F8: variants seen among roughly 807,000 people sequenced by gnomAD.
F8 encodes antihemophilic factor.
A neutral mutation model predicts 140.6 loss-of-function variants in F8; 12 were observed. The ratio of observed to expected loss-of-function variants is 0.09; its 90% CI spans 0.05 to 0.14. The LOEUF (loss-of-function observed/expected upper bound fraction) is 0.14, where lower values mean the gene tolerates loss of function less well. Among genes scored for constraint, F8 ranks in the 10% least tolerant of loss-of-function variants. The pLI is 1.00. For synonymous variants in F8, 585 were observed against 614.6 expected (o/e 0.95, Z 0.71); for missense variants, 1,354 against 1,720.7 (o/e 0.79, Z 3.77).
chrX:154,965,855 G>T, intron 9 of F8, 115 bp downstream of exon 9: 1 of 699,496 alleles, frequency 1.4e-6, no homozygotes. Flanking sequence ...AACATTTATA[G>T]CTTTTAAAAG....
At chrX:154,896,930 C>T (rs1003168628) in intron 21 of F8, among the ~76,000 whole-genome samples, 10 of 112,135 alleles carry the variant, frequency 8.9e-5, no homozygotes, top group Non-Finnish European at 1.3e-4. Context: ...TGTGTCTCAA[C>T]TTATCTGTAA....
chrX:154,872,281 G>T (rs78940811), intron 22 of F8, among the ~76,000 whole-genome samples: 3 of 111,641 alleles, frequency 2.7e-5, no homozygotes, highest in African/African-American at 9.8e-5. Context: ...TCACAATAGC[G>T]AAGACTTGGA....
At chrX:154,899,535 T>G (rs1391078461) in intron 21 of F8, among the ~76,000 whole-genome samples, 1 of 112,287 alleles carries the variant, frequency 8.9e-6, no homozygotes, top group African/African-American at 3.2e-5. Flanking sequence ...TATGTTAAAA[T>G]AAAGGGGATT....
In F8 at chrX:154,903,962, A is replaced by C; in HGVS notation, c.5942T>G (p.Val1981Gly). The C allele has an allele frequency of 8.3e-7, 1 of 1,210,503 alleles. No individual in the cohort carries two copies. The highest frequency in any genetic ancestry group is 1.1e-6 in the Non-Finnish European group (1 of 894,464). Residue 1981 changes from valine (V) to glycine (G), a missense_variant, in exon 18 of 26, where the codon GTG becomes GGG. Val to Gly is a moderately radical substitution (Grantham distance 109). Around this residue, in one of 4 missense-constraint regions of F8, gnomAD observed 316 missense variants for 485.4 expected, o/e 0.65. Transcript: ENST00000360256. ...CTCCTCTTTTTTTCGTACAGTGAAC[A>C]CATGTCCACTGAAATGAATAGAATG... ...NIHSIHFSGH[V>G]FTVRKKEEYK...
intron 14 of F8, among the ~76,000 whole-genome samples, chrX:154,921,864 C>T (rs1557277597): frequency 1.9e-5 from 2 of 104,747 alleles, no homozygotes; most frequent in Non-Finnish European, 3.9e-5. Context: ...GAACATCACA[C>T]ACCGGGGCCT....
chrX:154,955,264 C>T lies in F8; in HGVS notation c.1753-1222G>A, dbSNP rs1213522727. ...CTCCTGGGCTCAAGCTATCTTCCCA[C>T]CTCAGCCTCCTGAGTAGGTGGGACT... On this transcript the variant is annotated intron_variant, in intron 11 of 25. Coordinates refer to ENST00000360256, the MANE Select transcript of F8 (RefSeq NM_000132.4). 2.0e-3 allele frequency among the ~76,000 whole-genome samples: 189 copies of T among 95,519 alleles called. 2 individuals carry two copies. The highest frequency in any genetic ancestry group is 3.3e-3 in the Non-Finnish European group (159 of 48,340). 82.9% of individuals were successfully genotyped at this position (95,519 alleles called of 115,157 possible). A position where few individuals can be genotyped will look rare whatever the true frequency, so the allele number is the denominator to read the frequency against.
intron 6 of F8, among the ~76,000 whole-genome samples, chrX:154,983,522 T>C (rs1474479844): frequency 9.0e-6 from 1 of 111,059 alleles, no homozygotes; most frequent in Non-Finnish European, 1.9e-5. Context: ...TTGGGACAAA[T>C]GTAAACAAAC....
chrX:154,847,030 C>G (rs1557271799), intron 25 of F8, among the ~76,000 whole-genome samples: 1 of 111,163 alleles, frequency 9.0e-6, no homozygotes, highest in Non-Finnish European at 1.9e-5. Context: ...TTTTATTTCT[C>G]CTTCACTTAT....
At chrX:154,939,562 C>T (rs937751015) in intron 13 of F8, among the ~76,000 whole-genome samples, 1 of 112,963 alleles carries the variant, frequency 8.9e-6, no homozygotes, top group Admixed American at 9.3e-5. Context: ...GGAGGCCTGC[C>T]TGCCTCTGTA....
At chrX:155,010,149 T>C (rs892234032) in intron 1 of F8, among the ~76,000 whole-genome samples, 3 of 112,434 alleles carry the variant, frequency 2.7e-5, no homozygotes, top group Non-Finnish European at 3.8e-5. Flanking sequence ...ATGTGATTTA[T>C]TTGCCTGTCT....
chrX:154,953,658 G>A (rs1428921675), intron 12 of F8, among the ~76,000 whole-genome samples: 1 of 111,469 alleles, frequency 9.0e-6, no homozygotes, highest in African/African-American at 3.3e-5. Context: ...AAGGAGATAG[G>A]GAATTAAAAG....
At chrX:154,980,960 A>G (rs141781674) in intron 6 of F8, among the ~76,000 whole-genome samples, 9 of 112,335 alleles carry the variant, frequency 8.0e-5, no homozygotes, top group African/African-American at 2.6e-4. Flanking sequence ...AACAGAGACC[A>G]TATCAAAAAG....
intron 25 of F8, among the ~76,000 whole-genome samples, chrX:154,848,628 C>T (rs1194042911): frequency 1.8e-5 from 2 of 112,228 alleles, no homozygotes; most frequent in Non-Finnish European, 3.8e-5. Context: ...TTGCTAAGAC[C>T]ATTGGAAAAG....
At chrX:154,977,845 G>T (rs782460343) in intron 6 of F8, among the ~76,000 whole-genome samples, 3 of 110,281 alleles carry the variant, frequency 2.7e-5, no homozygotes, top group South Asian at 3.8e-4. Flanking sequence ...CATTAAATAG[G>T]CTTTCTAACC....
chrX:154,888,380 A>ATTTTTT lies in F8; in HGVS notation c.6429+7691_6429+7696dup, dbSNP rs782710109. 1.1e-3 allele frequency among the ~76,000 whole-genome samples: 25 copies of ATTTTTT among 22,268 alleles called. 1 individual carries two copies. Among genetic ancestry groups the ATTTTTT allele is most frequent in the African/African-American group, 7.4e-3 (24 of 3,231 alleles). 19.3% of individuals were successfully genotyped at this position (22,268 alleles called of 115,157 possible). On this transcript the variant is annotated intron_variant, in intron 22 of 25. Transcript: ENST00000360256. Reference sequence around the variant, plus strand: ...ACAACAGCTTTTATTTGTAATAGGGATTTTTTTTTTTTTTTTTTTTTTTTT... The same window carrying ATTTTTT: ...ACAACAGCTTTTATTTGTAATAGGGATTTTTTTTTTTTTTTTTTTTTTTTTTTTTTT...
At chrX:154,954,530 T>C (rs952996593) in intron 11 of F8, among the ~76,000 whole-genome samples, 3 of 112,073 alleles carry the variant, frequency 2.7e-5, no homozygotes, top group East Asian at 5.5e-4. Context: ...AAAGATAAGG[T>C]GAACCACAAA....
At chrX:154,936,321 C>T (rs1433667487) in intron 13 of F8, among the ~76,000 whole-genome samples, 13 of 111,447 alleles carry the variant, frequency 1.2e-4, no homozygotes, top group African/African-American at 4.2e-4. Flanking sequence ...CAGACTTGCA[C>T]TACAGAAAAT....
chrX:154,905,374 A>G, intron 15 of F8, among the ~76,000 whole-genome samples: 1 of 111,737 alleles, frequency 8.9e-6, no homozygotes, highest in Non-Finnish European at 1.9e-5. Context: ...AAATTCTAGA[A>G]TGAATGCATA....
At chrX:155,014,420 C>G (rs998282184) in intron 1 of F8, among the ~76,000 whole-genome samples, 16 of 110,910 alleles carry the variant, frequency 1.4e-4, no homozygotes, top group African/African-American at 5.2e-4. Flanking sequence ...GTACTGGAGG[C>G]CCTTGCCAGT....
Sources: allele counts gnomAD v4.1 joint callset (sites outside exome capture counted in the v4.1 genomes callset), GRCh38; gene constraint gnomAD v4.1.1; regional missense constraint gnomAD v4.1.1; transcripts MANE v1.5; gene names NCBI Gene and HGNC (gene_info 2026-07-23, HGNC 2026-07-21).